The following SNX18 variants were observed in gnomAD, a reference collection of about 807,000 sequenced individuals.
SNX18 encodes sorting nexin 18.
Under a neutral mutation model 48.7 loss-of-function variants are expected in SNX18, and 35 were observed. The ratio of observed to expected loss-of-function variants is 0.72; its 90% confidence interval spans 0.55 to 0.95. The LOEUF (loss-of-function observed/expected upper bound fraction) is 0.95. Among genes scored for constraint, SNX18 ranks in the 40% least tolerant of loss-of-function variants. The pLI, the probability that SNX18 is intolerant of heterozygous loss-of-function variation, is 0.00. For synonymous variants in SNX18, 492 were observed against 384.7 expected, an observed-to-expected ratio of 1.28 and a Z score of -3.26; for missense variants, 824 against 871.0, an observed-to-expected ratio of 0.95 and a Z score of 0.68.
chr5:54,536,451 A>G (rs994172620), intron 1 of SNX18, among the ~76,000 whole-genome samples: 2 of 148,088 alleles, frequency 1.4e-5, no homozygotes, highest in African/African-American at 5.0e-5. Context: ...TCATTGTTCA[A>G]TTCCACCTAT....
intron 1 of SNX18, among the ~76,000 whole-genome samples, chr5:54,526,549 G>A (rs1762134607): frequency 6.6e-6 from 1 of 152,118 alleles, no homozygotes; most frequent in African/African-American, 2.4e-5. Flanking sequence ...TATTTAGCAG[G>A]TAAGGGGACA....
chr5:54,554,636 T>C, the SNX18 span, among the ~76,000 whole-genome samples: 5 of 152,252 alleles, frequency 3.3e-5, no homozygotes. Flanking sequence ...ATAATCCATT[T>C]TGAATAGCAC....
At chr5:54,599,207 G>T in the SNX18 span, among the ~76,000 whole-genome samples, 19 of 152,140 alleles carry the variant, frequency 1.2e-4, no homozygotes, top group Non-Finnish European at 1.0e-4. Context: ...GTGTTAGAAA[G>T]GAATCCATCC....
the SNX18 span, among the ~76,000 whole-genome samples, chr5:54,566,124 A>T: frequency 7.2e-5 from 11 of 152,346 alleles, no homozygotes; most frequent in East Asian, 2.1e-3. Flanking sequence ...TACAATCAGA[A>T]CAAATAAATA....
At chr5:54,539,906 T>C (rs944899929) in intron 1 of SNX18, among the ~76,000 whole-genome samples, 6 of 152,118 alleles carry the variant, frequency 3.9e-5, no homozygotes, top group Non-Finnish European at 7.4e-5. Context: ...AGTTTCGCTC[T>C]TGTTGCCCGG....
the SNX18 span, among the ~76,000 whole-genome samples, chr5:54,600,745 C>T: frequency 9.2e-5 from 14 of 152,162 alleles, no homozygotes; most frequent in Admixed American, 9.2e-4. Flanking sequence ...CCAAAGGCCA[C>T]ATGTTCTCAC....
chr5:54,541,918 T>C (rs1762477954), intron 1 of SNX18, among the ~76,000 whole-genome samples: 1 of 152,194 alleles, frequency 6.6e-6, no homozygotes, highest in Non-Finnish European at 1.5e-5. Flanking sequence ...TATTTCACTA[T>C]TGGGCAAAAC....
chr5:54,570,631 A>C, the SNX18 span, among the ~76,000 whole-genome samples: 1 of 152,194 alleles, frequency 6.6e-6, no homozygotes, highest in African/African-American at 2.4e-5. Flanking sequence ...TCCTCCACAG[A>C]GCCTAGCACA....
the SNX18 span, among the ~76,000 whole-genome samples, chr5:54,611,792 G>A: frequency 1.9e-3 from 295 of 152,252 alleles, no homozygotes; most frequent in Non-Finnish European, 2.7e-3. Flanking sequence ...TGACTGGTTT[G>A]AGGGGGGATG....
intron 1 of SNX18, chr5:54,520,313 G>A (rs1443686088): frequency 5.7e-6 from 1 of 174,708 alleles, no homozygotes; most frequent in Non-Finnish European, 1.4e-5. Context: ...GAGTTCATGA[G>A]TTATTAATAG....
chr5:54,613,017 C>A, the SNX18 span, among the ~76,000 whole-genome samples: 7 of 152,232 alleles, frequency 4.6e-5, no homozygotes, highest in African/African-American at 1.7e-4. Flanking sequence ...CCTGGCCTTG[C>A]CAAGTAACTG....
intron 1 of SNX18, among the ~76,000 whole-genome samples, chr5:54,524,524 C>T (rs1483675451): frequency 6.6e-6 from 1 of 152,228 alleles, no homozygotes; most frequent in African/African-American, 2.4e-5. Flanking sequence ...CACTTACAAA[C>T]ACTTCCCTTG....
chr5:54,640,752 T>C, the SNX18 span, among the ~76,000 whole-genome samples: 1 of 152,018 alleles, frequency 6.6e-6, no homozygotes, highest in African/African-American at 2.4e-5. Context: ...TCTATCCATA[T>C]CAGGTTGATA....
chr5:54,552,952 G>A, the SNX18 span, among the ~76,000 whole-genome samples: 1 of 152,066 alleles, frequency 6.6e-6, no homozygotes, highest in Non-Finnish European at 1.5e-5. Flanking sequence ...AGGACTGAGA[G>A]TGAAGTATGT....
the SNX18 span, among the ~76,000 whole-genome samples, chr5:54,616,957 G>A: frequency 3.3e-5 from 5 of 152,086 alleles, no homozygotes; most frequent in Admixed American, 3.3e-4. Flanking sequence ...GTCTCTCCAG[G>A]GCCCCTGCAA....
At chr5:54,605,178 G>T in the SNX18 span, among the ~76,000 whole-genome samples, 1 of 152,090 alleles carries the variant, frequency 6.6e-6, no homozygotes, top group Non-Finnish European at 1.5e-5. Context: ...GGAACTCTCT[G>T]GGGGATTTTA....
the SNX18 span, among the ~76,000 whole-genome samples, chr5:54,582,687 G>T: frequency 6.6e-6 from 1 of 152,140 alleles, no homozygotes; most frequent in Non-Finnish European, 1.5e-5. Context: ...AGCTACTTGG[G>T]AGGCTGAGAC....
At chr5:54,567,211 G>A in the SNX18 span, among the ~76,000 whole-genome samples, 1 of 151,550 alleles carries the variant, frequency 6.6e-6, no homozygotes, top group African/African-American at 2.4e-5. Flanking sequence ...ATGTGTGTGT[G>A]TATGTGTGTG....
chr5:54,531,179 C>T (rs1188118310), intron 1 of SNX18, among the ~76,000 whole-genome samples: 1 of 152,048 alleles, frequency 6.6e-6, no homozygotes. Context: ...TCTTAGAGTA[C>T]TCCAGGGGAA....
Sources: allele counts gnomAD v4.1 joint callset (sites outside exome capture counted in the v4.1 genomes callset), GRCh38; gene constraint gnomAD v4.1.1; transcripts MANE v1.5; gene names NCBI Gene and HGNC (gene_info 2026-07-23, HGNC 2026-07-21).